ARHGAP45: variants seen among roughly 807,000 people sequenced by gnomAD.
ARHGAP45 encodes the protein rho GTPase-activating protein 45.
In ARHGAP45, 56 loss-of-function variants were observed where a neutral mutation model predicts 116.1. That is an observed-to-expected ratio of 0.48 (90% CI 0.39 to 0.60). ARHGAP45 has a LOEUF of 0.60. Among genes scored for constraint, ARHGAP45 ranks in the 20% least tolerant of loss-of-function variants. The probability of loss-of-function intolerance (pLI) is 0.00; values close to 1 mark genes in which losing one functional copy is unlikely to be tolerated. For synonymous variants in ARHGAP45, 866 were observed against 701.7 expected (o/e 1.23, Z -3.70); for missense variants, 1,622 against 1,601.0 (o/e 1.01, Z -0.22).
In ARHGAP45 at chr19:1,067,190, G is replaced by T; in HGVS notation, c.-216G>T. 1.5e-6 allele frequency: 2 copies of T among 1,327,136 alleles called. No individual in the cohort carries two copies. Among genetic ancestry groups the T allele is most frequent in the Non-Finnish European group, 1.9e-6 (2 of 1,043,432 alleles). 82.2% of individuals were successfully genotyped at this position (1,327,136 alleles called of 1,614,324 possible). A position where few individuals can be genotyped will look rare whatever the true frequency, so the allele number is the denominator to read the frequency against. On this transcript the variant is annotated 5_prime_UTR_variant, in exon 1 of 23. Coordinates refer to ENST00000313093, the MANE Select transcript of ARHGAP45 (RefSeq NM_012292.5). ...CCACTCCGCAGAGCCGCAGGCTGAG[G>T]CCGGGAAGGGTCGGGGGCGAGGCCG... is the stretch of plus-strand genomic sequence containing the variant.
intron 11 of ARHGAP45, 81 bp downstream of exon 11, chr19:1,078,126 C>G: frequency 8.9e-6 from 13 of 1,453,504 alleles, no homozygotes; most frequent in Non-Finnish European, 1.2e-5. Context: ...ACCTCCAGAC[C>G]TTTGTTTTTG....
intron 10 of ARHGAP45, chr19:1,077,202 G>A (rs928657034): frequency 1.0e-6 from 1 of 985,224 alleles, no homozygotes; most frequent in African/African-American, 1.7e-5. Flanking sequence ...GGAGGGAAGT[G>A]AAAGCAAAAG....
intron 21 of ARHGAP45, among the ~76,000 whole-genome samples, 162 bp downstream of exon 21, chr19:1,083,515 C>CA (rs1363496989): frequency 2.6e-5 from 4 of 152,128 alleles, no homozygotes; most frequent in African/African-American, 2.4e-5. Context: ...GTCTTTTATG[C>CA]AAAAAACTCA....
intron 10 of ARHGAP45, chr19:1,077,379 T>C: frequency 1.1e-6 from 1 of 924,030 alleles, no homozygotes; most frequent in South Asian, 4.9e-5. Flanking sequence ...CCGTTCTTTT[T>C]TTTTTTTTTT....
At chr19:1,078,292 C>T (rs560008044) in intron 11 of ARHGAP45, among the ~76,000 whole-genome samples, 7 of 150,666 alleles carry the variant, frequency 4.6e-5, no homozygotes, top group Middle Eastern at 3.6e-3. Flanking sequence ...TACAGGCGCC[C>T]GCCACCACGC....
At chr19:1,070,140 T>C (rs988003320) in intron 2 of ARHGAP45, among the ~76,000 whole-genome samples, 1 of 149,208 alleles carries the variant, frequency 6.7e-6, no homozygotes, top group African/African-American at 2.5e-5. Flanking sequence ...GGACTACAGG[T>C]GCGTGCCACC....
intron 1 of ARHGAP45, among the ~76,000 whole-genome samples, chr19:1,067,962 G>C (rs948687454): frequency 2.1e-4 from 29 of 139,328 alleles, no homozygotes; most frequent in African/African-American, 5.9e-4. Flanking sequence ...GCTGGGGGGG[G>C]GGTCTACAGA....
rs373326852 is a variant in ARHGAP45 at position 1,085,853 on chromosome 19, G to T, written c.3258G>T (p.Gly1086=). Residue 1086 remains glycine, a synonymous_variant, in exon 23 of 23, where the codon GGG becomes GGT. Coordinates refer to ENST00000313093, the MANE Select transcript of ARHGAP45 (RefSeq NM_012292.5). Reference sequence around the variant, plus strand: ...TGGAGGCCACAGCCCGGGAGGACGGGGACGGGGACGAGGACGGCCCGGCCC... The same window carrying T: ...TGGAGGCCACAGCCCGGGAGGACGGTGACGGGGACGAGGACGGCCCGGCCC... ...EQLEATARED[G]DGDEDGPAQQ... 34 of 1,612,700 alleles carry T rather than the reference G, an allele frequency of 2.1e-5. No homozygotes were observed. The African/African-American group carries it at 2.9e-4, about 14-fold the overall frequency.
Position 1,085,690 on chromosome 19 carries a change from CG to C in ARHGAP45, c.3097del (p.Asp1033ThrfsTer2), listed in dbSNP as rs758891188. The C allele has an allele frequency of 1.3e-6, 2 of 1,591,156 alleles. No individual in the cohort carries two copies. Among genetic ancestry groups the C allele is most frequent in the Non-Finnish European group, 1.7e-6 (2 of 1,165,356 alleles). ...CGAGTTGTGTCCAACGATTCGGACTCGGACCTAGAGGAGGCCTCCGAGCTGC... is the reference window on the plus strand; with the variant it reads ...CGAGTTGTGTCCAACGATTCGGACTCGACCTAGAGGAGGCCTCCGAGCTGC... ...ESRVVSNDSDSDLEEASELLS... is the reference protein window; with the variant it reads ...ESRVVSNDSDXDLEEASELLS... On this transcript the variant is annotated frameshift_variant, in exon 23 of 23. Coordinates refer to ENST00000313093, the MANE Select transcript of ARHGAP45 (RefSeq NM_012292.5). LOFTEE classifies it low-confidence loss of function (END_TRUNC).
chr19:1,085,529 C>CT (rs147365366), intron 22 of ARHGAP45, 131 bp from the exon 23 acceptor site: 64,408 of 643,188 alleles, frequency 0.1, 4,059 homozygotes, highest in African/African-American at 0.16. Context: ...CCTGTCTCTC[C>CT]CCATCTCTCC....
chr19:1,080,325 A>C lies in ARHGAP45; in HGVS notation c.1774A>C (p.Ser592Arg), dbSNP rs766477362. The change falls in exon 14 of 23, where the codon AGC becomes CGC. Residue 592 changes from serine (S) to arginine (R), a missense_variant. Coordinates refer to ENST00000313093, the MANE Select transcript of ARHGAP45 (RefSeq NM_012292.5). ...SDVARPEAAGSPPEEGGCTEG... is the reference protein window; with the variant it reads ...SDVARPEAAGRPPEEGGCTEG... The stretch of plus-strand genomic sequence containing the variant: ...TGTGGCGCGGCCGGAGGCTGCCGGG[A>C]GCCCCCCAGAAGAAGGCGGGTGCAC... 1.3e-5 allele frequency: 21 copies of C among 1,610,536 alleles called. No individual in the cohort carries two copies. The Middle Eastern group carries it at 4.9e-4, about 38-fold the overall frequency.
Position 1,074,728 on chromosome 19 carries a change from C to G in ARHGAP45, c.1104+4C>G, listed in dbSNP as rs1197252609. 6.4e-6 allele frequency: 10 copies of G among 1,553,700 alleles called. No individual in the cohort carries two copies. The highest frequency in any genetic ancestry group is 4.7e-5 in the East Asian group (2 of 42,504). On this transcript the variant is annotated splice_donor_region_variant and intron_variant, in intron 9 of 22. Transcript: ENST00000313093. ...GCAGACCCAGACCTTCATGCAGGTG[C>G]GTGGTGCCCGGGAGGGCGGGCTGGG...
intron 10 of ARHGAP45, chr19:1,077,546 G>A: frequency 9.0e-7 from 1 of 1,106,138 alleles, no homozygotes; most frequent in Non-Finnish European, 1.2e-6. Context: ...ACAATGCCCG[G>A]CTAATTGTTT....
At chr19:1,078,136 G>C in intron 11 of ARHGAP45, 91 bp downstream of exon 11, 1 of 578,504 alleles carries the variant, frequency 1.7e-6, no homozygotes, top group Non-Finnish European at 2.2e-6. Flanking sequence ...CTTTGTTTTT[G>C]TTTTTTTGTT....
At chr19:1,083,395 G>A in intron 21 of ARHGAP45, 42 bp downstream of exon 21, 1 of 1,475,704 alleles carries the variant, frequency 6.8e-7, no homozygotes, top group Non-Finnish European at 9.2e-7. Flanking sequence ...CTCGGGGCTT[G>A]GGGAGCAGGG....
rs201890572 is a variant in ARHGAP45, at chr19:1,067,493, G to A, written c.88G>A (p.Gly30Arg). 1.9e-6 allele frequency: 3 copies of A among 1,597,880 alleles called. No individual in the cohort carries two copies. Among genetic ancestry groups the A allele is most frequent in the East Asian group, 2.3e-5 (1 of 44,230 alleles). ...RAGSPSPQPS[G>R]ELPRKDGADA... ...GGGAAGCCCCAGCCCGCAGCCCTCG[G>A]GGGTGAGTGGAGCCCGGGTGAGACC... Residue 30 changes from glycine to arginine, a missense_variant and splice_region_variant, in exon 1 of 23, where the codon GGG becomes AGG. Physicochemically the swap from Gly to Arg is moderately radical, Grantham distance 125 (BLOSUM62 -2). Transcript: ENST00000313093.
intron 10 of ARHGAP45, 79 bp downstream of exon 10, chr19:1,074,958 C>G (rs946881623): frequency 7.8e-6 from 10 of 1,274,568 alleles, no homozygotes; most frequent in Middle Eastern, 2.9e-4. Flanking sequence ...AGCCCCATAG[C>G]GAGGGCCCTG....
chr19:1,085,628 G>C (rs961658901), intron 22 of ARHGAP45, 32 bp from the exon 23 acceptor site: 29 of 1,442,428 alleles, frequency 2.0e-5, no homozygotes, highest in Non-Finnish European at 2.6e-5. Flanking sequence ...TCTCCTGTCT[G>C]TCTCCCCCCG....
chr19:1,072,094 ACT>A (rs1177357092), intron 2 of ARHGAP45, among the ~76,000 whole-genome samples: 1 of 146,334 alleles, frequency 6.8e-6, no homozygotes, highest in Admixed American at 6.8e-5. Flanking sequence ...GAGGAGTCTC[ACT>A]CTGTCACCCA....
Sources: gnomAD v4.1 joint callset for allele counts (sites outside exome capture counted in the v4.1 genomes callset) on GRCh38, gnomAD v4.1.1 for gene constraint, MANE v1.5 for transcripts, NCBI Gene and HGNC (gene_info 2026-07-23, HGNC 2026-07-21) for gene names.